Variants in SEMA3F observed in about 807,000 individuals in gnomAD.
The protein encoded by SEMA3F is semaphorin-3F.
In SEMA3F, 30 loss-of-function variants were observed where a neutral mutation model predicts 98.5. The observed-to-expected ratio is 0.30, with a 90% CI of 0.23 to 0.41. The LOEUF is 0.41. SEMA3F is among the 10% of genes least tolerant of loss of function. The pLI is 1.00. For synonymous variants in SEMA3F, 380 were observed against 444.8 expected, an observed-to-expected ratio of 0.85 and a Z score of 1.83; for missense variants, 866 against 1,119.3, an observed-to-expected ratio of 0.77 and a Z score of 3.23.
intron 16 of SEMA3F, 99 bp from the exon 17 acceptor site, chr3:50,186,182 C>A: frequency 1.4e-6 from 2 of 1,478,220 alleles, no homozygotes; most frequent in Admixed American, 1.9e-5. Flanking sequence ...GACATCACTG[C>A]CCTGGGGAAA....
rs1698707960 is a variant in SEMA3F at position 50,173,959 on chromosome 3, G to A, written c.273+6G>A. 3.7e-6 allele frequency: 6 copies of A among 1,613,964 alleles called. No individual in the cohort carries two copies. The South Asian group carries it at 5.5e-5, about 15-fold the overall frequency. ...TCAACCGCGAGCCCCTCATTGTAAG[G>A]GCTGGCCCTGATGTGGGACGTGGGG... is the stretch of plus-strand genomic sequence containing the variant. On this transcript the variant is annotated splice_donor_region_variant and intron_variant, in intron 3 of 18. Coordinates refer to ENST00000002829, the MANE Select transcript of SEMA3F (RefSeq NM_004186.5).
chr3:50,159,866 G>T (rs1425342636), intron 2 of SEMA3F, 132 bp downstream of exon 2: 2 of 662,468 alleles, frequency 3.0e-6, no homozygotes, highest in South Asian at 1.7e-5. Flanking sequence ...GGTTGTGGGG[G>T]AGAAGGGAGA....
intron 7 of SEMA3F, among the ~76,000 whole-genome samples, chr3:50,178,143 G>A (rs1378585529): frequency 1.3e-5 from 2 of 152,052 alleles, no homozygotes; most frequent in Admixed American, 6.5e-5. Flanking sequence ...TAGGGAGGCT[G>A]AGGCAGGAGA....
rs141739448 is a variant in SEMA3F, at chr3:50,166,283, T to A, written c.112+6549T>A. The stretch of plus-strand genomic sequence containing the variant: ...CGGCCAGAGTCCACTGCCTCGTGTG[T>A]CTGCTGTTCAGCCAGCACGGTTGCC... On this transcript the variant is annotated intron_variant, in intron 2 of 18. Transcript: ENST00000002829. This position sits in a 1 kb window ranked among gnomAD's most constrained non-coding sequence, Gnocchi z 4.7. 4.6e-5 allele frequency among the ~76,000 whole-genome samples: 7 copies of A among 152,344 alleles called. No individual in the cohort carries two copies. Among genetic ancestry groups the A allele is most frequent in the African/African-American group, 1.7e-4 (7 of 41,582 alleles).
chr3:50,169,587 C>T (rs1051237777), intron 2 of SEMA3F, among the ~76,000 whole-genome samples: 6 of 152,200 alleles, frequency 3.9e-5, no homozygotes, highest in Admixed American at 3.9e-4. Flanking sequence ...ACCACCCTTC[C>T]TCCCCCTAAG....
intron 2 of SEMA3F, among the ~76,000 whole-genome samples, chr3:50,171,416 A>AT (rs1229216129): frequency 6.6e-6 from 1 of 151,998 alleles, no homozygotes; most frequent in Non-Finnish European, 1.5e-5. Context: ...ATTATGGCTG[A>AT]TTGGGTTCCT....
Position 50,186,020 on chromosome 3 carries a change from C to T in SEMA3F, c.1719C>T (p.Cys573=). 1.2e-6 allele frequency: 2 copies of T among 1,613,598 alleles called. No individual in the cohort carries two copies. Among genetic ancestry groups the T allele is most frequent in the Non-Finnish European group, 1.7e-6 (2 of 1,179,694 alleles). The change falls in exon 16 of 19, where the codon TGC becomes TGT. Residue 573 remains cysteine (C), a synonymous_variant. Transcript: ENST00000002829. ...DPYCAWDGQA[C]SRYTASSKRR... ...ACTGTGCCTGGGATGGCCAGGCCTG[C>T]TCCCGCTATACAGCATCCTCCAAGA...
chr3:50,161,317 C>T (rs901821699), intron 2 of SEMA3F, among the ~76,000 whole-genome samples: 1 of 152,228 alleles, frequency 6.6e-6, no homozygotes, highest in Non-Finnish European at 1.5e-5. Flanking sequence ...GAGTTTTGTT[C>T]CTGTTTTCCA....
At chr3:50,171,122 G>A (rs185995765) in intron 2 of SEMA3F, among the ~76,000 whole-genome samples, 57 of 152,242 alleles carry the variant, frequency 3.7e-4, no homozygotes, top group Non-Finnish European at 4.4e-5. Context: ...GCGGGTGTTC[G>A]ATAACTGAGC....
At chr3:50,185,410 A>G in intron 13 of SEMA3F, 33 bp from the exon 14 acceptor site, 1 of 1,392,780 alleles carries the variant, frequency 7.2e-7, no homozygotes, top group Non-Finnish European at 1.0e-6. Flanking sequence ...CAGCATCCCC[A>G]GCCCCACTGA....
intron 2 of SEMA3F, among the ~76,000 whole-genome samples, chr3:50,164,630 A>G (rs1698336705): frequency 6.6e-6 from 1 of 152,192 alleles, no homozygotes; most frequent in Admixed American, 6.5e-5. Flanking sequence ...TGGCTGAGCT[A>G]GCTGGTCCCA....
chr3:50,160,360 T>C (rs558556446), intron 2 of SEMA3F, among the ~76,000 whole-genome samples: 1 of 152,286 alleles, frequency 6.6e-6, no homozygotes, highest in South Asian at 2.1e-4. Context: ...CAGTGAGCAC[T>C]TTGATGAGAA....
chr3:50,182,565 C>A lies in SEMA3F; in HGVS notation c.764-79C>A. 1 of 1,585,416 alleles carries A rather than the reference C, an allele frequency of 6.3e-7. No homozygotes were observed. The stretch of plus-strand genomic sequence containing the variant: ...AGAGGAGTTGGGGGTGTTCTTGCAC[C>A]TGGCTGGGGATTCTGTTGGAGAACA... On this transcript the variant is annotated intron_variant, in intron 8 of 18. Transcript: ENST00000002829. This position sits in a 1 kb window ranked among gnomAD's most constrained non-coding sequence, Gnocchi z 4.5.
chr3:50,175,280 C>T (rs1342866250), intron 6 of SEMA3F, 92 bp downstream of exon 6: 6 of 877,818 alleles, frequency 6.8e-6, no homozygotes, highest in Non-Finnish European at 1.1e-5. Flanking sequence ...CTCCCCAGGG[C>T]CTCCCCTCTA....
chr3:50,178,723 A>C (rs572197015), intron 7 of SEMA3F, among the ~76,000 whole-genome samples: 60 of 144,856 alleles, frequency 4.1e-4, no homozygotes, highest in African/African-American at 1.2e-3. Flanking sequence ...CTCTGGCTCA[A>C]AAAAAAAAAA....
chr3:50,185,442 G>A lies in SEMA3F; in HGVS notation c.1457-1G>A. On this transcript the variant is annotated splice_acceptor_variant, in intron 13 of 18. Transcript: ENST00000002829. LOFTEE classifies it high-confidence loss of function. The stretch of plus-strand genomic sequence containing the variant: ...CTGAGGCCCTGCCCGGCCCGTTCCA[G>A]ACCGCGGGACAGTGCAGAAGGTCAT... The A allele has an allele frequency of 6.2e-7, 1 of 1,612,114 alleles. No homozygotes were observed. The highest frequency in any genetic ancestry group is 8.5e-7 in the Non-Finnish European group (1 of 1,179,144).
Position 50,159,709 on chromosome 3 carries a change from G to A in SEMA3F, c.87G>A (p.Thr29=), listed in dbSNP as rs150227868. The change falls in exon 2 of 19, where the codon ACG becomes ACA. Residue 29 remains threonine, a synonymous_variant. Coordinates refer to ENST00000002829, the MANE Select transcript of SEMA3F (RefSeq NM_004186.5). Reference sequence around the variant, plus strand: ...CCACCCAGGACCACCTCCCGGCCACGCCCCGGGTCCGGCTCTCATTCAAAG... The same window carrying A: ...CCACCCAGGACCACCTCCCGGCCACACCCCGGGTCCGGCTCTCATTCAAAG... ...SFPTQDHLPA[T]PRVRLSFKEL... 6.3e-5 allele frequency: 102 copies of A among 1,611,944 alleles called. No individual in the cohort carries two copies. The African/African-American group carries it at 1.0e-3, about 16-fold the overall frequency.
At chr3:50,157,268 C>T (rs1698022735) in intron 1 of SEMA3F, among the ~76,000 whole-genome samples, 2 of 152,092 alleles carry the variant, frequency 1.3e-5, no homozygotes, top group African/African-American at 4.8e-5. Flanking sequence ...CTGGCCGCCT[C>T]TTCCCTGCAC....
In SEMA3F at chr3:50,187,961, C is replaced by T. The variant is rs753830480; in HGVS notation, c.2204C>T (p.Ala735Val). The change falls in exon 19 of 19, where the codon GCC becomes GTC. Residue 735 changes from alanine (A) to valine (V), a missense_variant. Coordinates refer to ENST00000002829, the MANE Select transcript of SEMA3F (RefSeq NM_004186.5). ...TACCAGGAGTTAGCCCAGCTGCTGG[C>T]CCAGCCAGAAGTGGGCCTCATCCAC... ...PPYQELAQLL[A>V]QPEVGLIHQY... 3 of 1,608,956 alleles carry T rather than the reference C, an allele frequency of 1.9e-6. No individual in the cohort carries two copies. The highest frequency in any genetic ancestry group is 1.3e-5 in the African/African-American group (1 of 74,770).
Sources: allele counts gnomAD v4.1 joint callset (sites outside exome capture counted in the v4.1 genomes callset), GRCh38; gene constraint gnomAD v4.1.1; non-coding constraint Gnocchi (gnomAD v3.1); transcripts MANE v1.5; gene names NCBI Gene and HGNC (gene_info 2026-07-23, HGNC 2026-07-21).